CRY1: variants seen among roughly 807,000 people sequenced by gnomAD.
CRY1 encodes cryptochrome circadian regulator 1, also known as cryptochrome-1.
CRY1 carries 45 observed loss-of-function variants against 76.0 expected under a neutral mutation model. The observed-to-expected ratio is 0.59, with a 90% CI of 0.47 to 0.76. The LOEUF (loss-of-function observed/expected upper bound fraction) is 0.76, where lower values mean the gene tolerates loss of function less well. CRY1 is among the 30% of genes least tolerant of loss of function. CRY1 has a pLI of 0.00. For synonymous variants in CRY1, 248 were observed against 244.0 expected (o/e 1.02, Z -0.15); for missense variants, 587 against 716.4 (o/e 0.82, Z 2.06).
intron 4 of CRY1, 31 bp from the exon 5 acceptor site, chr12:107,001,399 C>T (rs1284490830): frequency 6.5e-7 from 1 of 1,542,928 alleles, no homozygotes; most frequent in Non-Finnish European, 8.8e-7. Context: ...AAACATCATT[C>T]TTCCGAAACT....
intron 1 of CRY1, among the ~76,000 whole-genome samples, chr12:107,076,406 T>C (rs146355010): frequency 1.8e-3 from 268 of 150,924 alleles, no homozygotes; most frequent in Admixed American, 3.0e-3. Flanking sequence ...AAGTCAGGAG[T>C]TCAAGACTAG....
chr12:107,063,334 T>C (rs1953070200), intron 1 of CRY1, among the ~76,000 whole-genome samples: 1 of 152,186 alleles, frequency 6.6e-6, no homozygotes, highest in Non-Finnish European at 1.5e-5. Context: ...TGGTTTTAAA[T>C]ATTCTTGGTT....
rs951175892 is a variant in CRY1 at position 107,063,946 on chromosome 12, G to A, written c.158+28858C>T. 3.9e-5 allele frequency among the ~76,000 whole-genome samples: 6 copies of A among 152,182 alleles called. No individual in the cohort carries two copies. The South Asian group carries it at 8.3e-4, about 21-fold the overall frequency. On this transcript the variant is annotated intron_variant, in intron 1 of 12. Transcript: ENST00000008527. Reference sequence around the variant, plus strand: ...CATTATATTCATACTGGGGTTGGGGGGACAGGGGTTTGCAAAATAAATCTC... The same window carrying A: ...CATTATATTCATACTGGGGTTGGGGAGACAGGGGTTTGCAAAATAAATCTC...
At chr12:107,000,968 C>T (rs1952301848) in intron 5 of CRY1, among the ~76,000 whole-genome samples, 1 of 151,962 alleles carries the variant, frequency 6.6e-6, no homozygotes, top group Admixed American at 6.6e-5. Flanking sequence ...CTCTTTAACA[C>T]AAAGGTAAAG....
chr12:107,072,924 T>C (rs1029011454), intron 1 of CRY1: 7 of 152,184 alleles, frequency 4.6e-5, no homozygotes, highest in African/African-American at 1.2e-4. Flanking sequence ...TTAACACTTA[T>C]ATTTACTTAC....
intron 1 of CRY1, among the ~76,000 whole-genome samples, chr12:107,081,994 A>G (rs1168439906): frequency 6.6e-6 from 1 of 151,950 alleles, no homozygotes; most frequent in African/African-American, 2.4e-5. Context: ...TGCTATAAAG[A>G]TATCTAAAAA....
In CRY1 at chr12:107,005,132, A is replaced by G. The variant is rs773533294; in HGVS notation, c.384T>C (p.Ile128=). Residue 128 remains isoleucine (I), a synonymous_variant, in exon 3 of 13, where the codon ATT becomes ATC. Coordinates refer to ENST00000008527, the MANE Select transcript of CRY1 (RefSeq NM_004075.5). ...TEAGVEVIVR[I]SHTLYDLDKI... ...TGTCTAGGTCATATAATGTATGTGA[A>G]ATTCTTACAATGACTTCTACTCCAG... 6.2e-7 allele frequency: 1 copy of G among 1,613,276 alleles called. No individual in the cohort carries two copies. Among genetic ancestry groups the G allele is most frequent in the Non-Finnish European group, 8.5e-7 (1 of 1,179,826 alleles).
rs184935224 is a variant in CRY1, at chr12:107,036,274, T to C, written c.159-14082A>G. Among the ~76,000 whole-genome samples, 145 of 152,336 alleles carry C rather than the reference T, an allele frequency of 9.5e-4. 1 individual carries two copies. Among genetic ancestry groups the C allele is most frequent in the African/African-American group, 3.3e-3 (137 of 41,592 alleles). On this transcript the variant is annotated intron_variant, in intron 1 of 12. Coordinates refer to ENST00000008527, the MANE Select transcript of CRY1 (RefSeq NM_004075.5). ...TGGTGAATTGGATATTGGTGAACAC[T>C]ACCACATCATCCTTGACCTCTCTTT...
chr12:107,020,525 G>GGT (rs1379129028), intron 2 of CRY1, among the ~76,000 whole-genome samples: 1 of 148,376 alleles, frequency 6.7e-6, no homozygotes, highest in Non-Finnish European at 1.5e-5. Context: ...TGCAAGATCT[G>GGT]TTTTTTTTTT....
At chr12:107,011,507 A>C (rs1490860608) in intron 2 of CRY1, among the ~76,000 whole-genome samples, 3 of 152,202 alleles carry the variant, frequency 2.0e-5, no homozygotes, top group African/African-American at 7.2e-5. Flanking sequence ...AAAAAAAACA[A>C]AGCAGCCTTA....
intron 1 of CRY1, among the ~76,000 whole-genome samples, chr12:107,070,619 T>TAAGGCTAATAAAACCC (rs1440555906): frequency 6.6e-6 from 1 of 151,932 alleles, no homozygotes; most frequent in Non-Finnish European, 1.5e-5. Context: ...TCTCTGCACC[T>TAAGGCTAATAAAACCC]AAGGCTAATA....
chr12:107,060,140 TTTTC>T (rs1266630763), intron 1 of CRY1, among the ~76,000 whole-genome samples: 1 of 152,198 alleles, frequency 6.6e-6, no homozygotes, highest in African/African-American at 2.4e-5. Context: ...TGCTAAGTAT[TTTTC>T]TTTATCTCAT....
At chr12:107,028,171 G>C (rs977508278) in intron 1 of CRY1, among the ~76,000 whole-genome samples, 2 of 151,176 alleles carry the variant, frequency 1.3e-5, no homozygotes, top group African/African-American at 4.9e-5. Flanking sequence ...CCATCATAAA[G>C]AAAAAAAATG....
At chr12:106,997,253 C>A in intron 10 of CRY1, 41 bp downstream of exon 10, 1 of 1,475,106 alleles carries the variant, frequency 6.8e-7, no homozygotes, top group South Asian at 1.1e-5. Context: ...GTTTAATAAC[C>A]TCTTCATGTT....
Position 107,093,466 on chromosome 12 carries a change from C to G in CRY1, c.-505G>C, listed in dbSNP as rs1953501406. 6.5e-6 allele frequency: 1 copy of G among 152,840 alleles called. No homozygotes were observed. Among genetic ancestry groups the G allele is most frequent in the South Asian group, 2.0e-4 (1 of 4,948 alleles). 9.5% of individuals were successfully genotyped at this position (152,840 alleles called of 1,614,324 possible). A position where few individuals can be genotyped will look rare whatever the true frequency, so the allele number is the denominator to read the frequency against. ...TGTCTCTCGGCCCGGGAGAAAGGACCGGGAACGGAGGCTAGAGGCGGTGGT... is the reference window on the plus strand; with the variant it reads ...TGTCTCTCGGCCCGGGAGAAAGGACGGGGAACGGAGGCTAGAGGCGGTGGT... On this transcript the variant is annotated 5_prime_UTR_variant, in exon 1 of 13. Coordinates refer to ENST00000008527, the MANE Select transcript of CRY1 (RefSeq NM_004075.5).
At chr12:107,009,593 TATATATATAA>T (rs1232430203) in intron 2 of CRY1, among the ~76,000 whole-genome samples, 21,860 of 65,810 alleles carry the variant, frequency 0.33, 2,758 homozygotes, top group East Asian at 0.59. Context: ...TATATATATA[TATATATATAA>T]AATCTCTATA....
chr12:107,088,558 G>A (rs1953430831), intron 1 of CRY1, among the ~76,000 whole-genome samples: 1 of 152,202 alleles, frequency 6.6e-6, no homozygotes, highest in Non-Finnish European at 1.5e-5. Flanking sequence ...GACAGAGAAA[G>A]CATCGTCTAT....
At chr12:107,026,100 C>G (rs1343554684) in intron 1 of CRY1, among the ~76,000 whole-genome samples, 2 of 32,502 alleles carry the variant, frequency 6.2e-5, no homozygotes, top group African/African-American at 2.6e-4. Flanking sequence ...ATATATATAA[C>G]ATATATATAA....
At chr12:107,036,383 G>A (rs1231963227) in intron 1 of CRY1, among the ~76,000 whole-genome samples, 3 of 152,114 alleles carry the variant, frequency 2.0e-5, no homozygotes, top group Non-Finnish European at 4.4e-5. Flanking sequence ...ACTTCTGACT[G>A]CCTTTACCTC....
Sources: allele counts gnomAD v4.1 joint callset (sites outside exome capture counted in the v4.1 genomes callset), GRCh38; gene constraint gnomAD v4.1.1; transcripts MANE v1.5; gene names NCBI Gene and HGNC (gene_info 2026-07-23, HGNC 2026-07-21).